Variants in C2orf76 observed in about 807,000 individuals in gnomAD.
The protein encoded by C2orf76 is UPF0538 protein C2orf76.
C2orf76 carries 23 observed loss-of-function variants against 16.9 expected under a neutral mutation model. The observed-to-expected ratio is 1.36, with a 90% CI of 0.98 to 1.93. The LOEUF is 1.93. Ranked by LOEUF, C2orf76 falls within the 30% of genes most tolerant of loss-of-function variation. C2orf76 has a pLI of 0.00. For missense variants in C2orf76, 152 were observed against 152.6 expected (o/e 1.00, Z 0.02); for synonymous variants, 48 against 52.3 (o/e 0.92, Z 0.35).
At chr2:119,316,821 A>G (rs1679187273) in intron 4 of C2orf76, among the ~76,000 whole-genome samples, 1 of 152,220 alleles carries the variant, frequency 6.6e-6, no homozygotes, top group African/African-American at 2.4e-5. Context: ...AAAGAAAAAA[A>G]GATCACTCTG....
At chr2:119,290,260 A>G in the C2orf76 span, among the ~76,000 whole-genome samples, 1 of 151,800 alleles carries the variant, frequency 6.6e-6, no homozygotes, top group Non-Finnish European at 1.5e-5. Flanking sequence ...ACCTGGGCCA[A>G]ATGGAGGAGG....
downstream of C2orf76, among the ~76,000 whole-genome samples, chr2:119,298,162 C>T (rs148316062): frequency 7.2e-5 from 11 of 152,288 alleles, no homozygotes; most frequent in African/African-American, 1.2e-4. Context: ...TTATGGCATA[C>T]GCCTTTTGTG....
chr2:119,307,486 A>G (rs576858382), intron 5 of C2orf76, among the ~76,000 whole-genome samples: 5 of 151,792 alleles, frequency 3.3e-5, no homozygotes, highest in Non-Finnish European at 7.4e-5. Flanking sequence ...TCACAACTCA[A>G]TTCTCACTAG....
chr2:119,320,301 C>T (rs754400271), intron 3 of C2orf76, among the ~76,000 whole-genome samples: 7 of 152,148 alleles, frequency 4.6e-5, no homozygotes, highest in Non-Finnish European at 8.8e-5. Context: ...TATTTCAAGA[C>T]ATTATACTTT....
At chr2:119,322,867 A>AG (rs574971438) in intron 2 of C2orf76, among the ~76,000 whole-genome samples, 25 of 147,036 alleles carry the variant, frequency 1.7e-4, no homozygotes, top group Non-Finnish European at 2.8e-4. Flanking sequence ...TGGGGAGGGC[A>AG]GGGGGGTGCT....
chr2:119,318,850 A>C (rs905178428), intron 3 of C2orf76, among the ~76,000 whole-genome samples: 2 of 152,154 alleles, frequency 1.3e-5, no homozygotes, highest in African/African-American at 4.8e-5. Flanking sequence ...CAAGGTCAAC[A>C]TAATCCTCAG....
chr2:119,309,814 T>C (rs147685132), intron 5 of C2orf76, among the ~76,000 whole-genome samples: 53 of 152,364 alleles, frequency 3.5e-4, no homozygotes, highest in Non-Finnish European at 7.1e-4. Context: ...TTTTAGTTTA[T>C]AGGTAGTCAA....
chr2:119,303,117 T>C (rs554676002), intron 5 of C2orf76, among the ~76,000 whole-genome samples: 2 of 152,322 alleles, frequency 1.3e-5, no homozygotes, highest in South Asian at 2.1e-4. Context: ...TTCAACAATA[T>C]GCAAAGTGAA....
intron 1 of C2orf76, among the ~76,000 whole-genome samples, chr2:119,354,346 C>A (rs1680498721): frequency 6.6e-6 from 1 of 152,106 alleles, no homozygotes; most frequent in African/African-American, 2.4e-5. Flanking sequence ...CATGGTGAAA[C>A]CCCGTCTCTA....
chr2:119,314,852 T>C (rs1573629676), intron 4 of C2orf76, among the ~76,000 whole-genome samples: 1 of 152,354 alleles, frequency 6.6e-6, no homozygotes, highest in East Asian at 1.9e-4. Flanking sequence ...TTAAGTCTTA[T>C]TTTGGAACTC....
Position 119,340,097 on chromosome 2 carries a change from A to C in C2orf76, c.-12-126T>G, listed in dbSNP as rs988115700. ...TCTTCCATGCTGCATGATCACTGAC[A>C]GAGTTCCCAAACAGAAGCCAGGTTC... On this transcript the variant is annotated intron_variant, in intron 1 of 5. Transcript: ENST00000334816. 1.2e-5 allele frequency: 13 copies of C among 1,071,868 alleles called. 1 individual carries two copies. In the African/African-American group the frequency reaches 2.0e-4, roughly 17 times the overall value. The allele number at this position is 1,071,868 out of a possible 1,614,324, so 66.4% of individuals were successfully genotyped here. A position where few individuals can be genotyped will look rare whatever the true frequency, so the allele number is the denominator to read the frequency against.
At chr2:119,312,089 T>G (rs531300494) in intron 4 of C2orf76, among the ~76,000 whole-genome samples, 1 of 152,252 alleles carries the variant, frequency 6.6e-6, no homozygotes, top group African/African-American at 2.4e-5. Context: ...ATATAAACCC[T>G]CAGCAGTGCC....
chr2:119,366,935 C>G (rs1681035701), upstream of C2orf76: 2 of 1,328,140 alleles, frequency 1.5e-6, no homozygotes, highest in South Asian at 1.2e-5. Flanking sequence ...CTCGCCCGAG[C>G]AGGGTTGGGG....
intron 4 of C2orf76, among the ~76,000 whole-genome samples, chr2:119,315,824 C>A (rs1448251436): frequency 6.6e-6 from 1 of 152,174 alleles, no homozygotes; most frequent in Non-Finnish European, 1.5e-5. Context: ...CAGTGTGAAA[C>A]ATATGTCTTA....
At chr2:119,309,434 T>C (rs1439510644) in intron 5 of C2orf76, among the ~76,000 whole-genome samples, 2 of 126,886 alleles carry the variant, frequency 1.6e-5, no homozygotes, top group African/African-American at 3.3e-5. Context: ...TGAGATAGAG[T>C]CTCACTCTGT....
At chr2:119,334,047 C>T (rs1679759891) in intron 2 of C2orf76, among the ~76,000 whole-genome samples, 1 of 152,056 alleles carries the variant, frequency 6.6e-6, no homozygotes, top group South Asian at 2.1e-4. Context: ...CCTACCTCCA[C>T]CTTCCAAAGT....
At chr2:119,340,181 GCT>G in intron 1 of C2orf76, 1 of 459,650 alleles carries the variant, frequency 2.2e-6, no homozygotes, top group Non-Finnish European at 3.9e-6. Flanking sequence ...ATCCTGGACA[GCT>G]CTGTCACAGT....
chr2:119,306,663 AT>A (rs1486232521), intron 5 of C2orf76, among the ~76,000 whole-genome samples: 6 of 152,190 alleles, frequency 3.9e-5, no homozygotes, highest in African/African-American at 1.2e-4. Context: ...ACTTAGGGGA[AT>A]TAGCCCATAA....
rs903622238 is a variant in C2orf76 at position 119,325,527 on chromosome 2, G to C, written c.134-4323C>G. On this transcript the variant is annotated intron_variant, in intron 2 of 5. Coordinates refer to ENST00000334816, the MANE Select transcript of C2orf76 (RefSeq NM_001322331.2). ...CCAGCTACTCAGGAGGCTGAAGCAG[G>C]AGAATCACTTGACCCATGAGTTAAG... 5.3e-5 allele frequency among the ~76,000 whole-genome samples: 8 copies of C among 151,440 alleles called. 1 individual carries two copies. The highest frequency in any genetic ancestry group is 5.3e-4 in the Admixed American group (8 of 15,236).
Sources: gnomAD v4.1 joint callset for allele counts (sites outside exome capture counted in the v4.1 genomes callset) on GRCh38, gnomAD v4.1.1 for gene constraint, MANE v1.5 for transcripts, NCBI Gene and HGNC (gene_info 2026-07-23, HGNC 2026-07-21) for gene names.